Variants in SCTR observed in about 807,000 individuals in gnomAD.
SCTR encodes the protein pancreatic secretin receptor.
Under a neutral mutation model 60.8 loss-of-function variants are expected in SCTR, and 56 were observed. The ratio of observed to expected loss-of-function variants is 0.92; its 90% CI spans 0.74 to 1.15. The LOEUF (loss-of-function observed/expected upper bound fraction) is 1.15. SCTR is among the 50% of genes most tolerant of loss of function. The pLI is 0.00. For synonymous variants in SCTR, 202 were observed against 217.0 expected, an observed-to-expected ratio of 0.93 and a Z score of 0.61; for missense variants, 562 against 550.4, an observed-to-expected ratio of 1.02 and a Z score of -0.21.
intron 1 of SCTR, among the ~76,000 whole-genome samples, chr2:119,523,882 A>C (rs1182799316): frequency 7.2e-5 from 11 of 152,192 alleles, no homozygotes; most frequent in African/African-American, 2.4e-4. Flanking sequence ...GGAGAGTTTC[A>C]GAAGCCAGAC....
intron 2 of SCTR, among the ~76,000 whole-genome samples, chr2:119,484,267 T>C (rs987710012): frequency 2.6e-5 from 4 of 152,140 alleles, no homozygotes; most frequent in Non-Finnish European, 4.4e-5. Flanking sequence ...ATCCAAAGCA[T>C]GTGAAGAGCA....
rs1683531400 is a variant in SCTR at position 119,459,885 on chromosome 2, G to GT, written c.790+1961dup. Among the ~76,000 whole-genome samples the GT allele has an allele frequency of 5.3e-5, 8 of 152,242 alleles. No homozygotes were observed. The South Asian group carries it at 1.7e-3, about 32-fold the overall frequency. On this transcript the variant is annotated intron_variant, in intron 7 of 12. Coordinates refer to ENST00000019103, the MANE Select transcript of SCTR (RefSeq NM_002980.3). ...CATGTTCATACAGCTGAATCTTGGCGTATCTGGGATTTAAAGCTTAGTGAA... is the reference window on the plus strand; with the variant it reads ...CATGTTCATACAGCTGAATCTTGGCGTTATCTGGGATTTAAAGCTTAGTGAA...
chr2:119,469,516 G>A (rs1389276567), intron 4 of SCTR, among the ~76,000 whole-genome samples: 9 of 151,964 alleles, frequency 5.9e-5, no homozygotes, highest in Admixed American at 5.9e-4. Flanking sequence ...TTTGAGACAG[G>A]GTCTCACTCT....
At chr2:119,453,435 C>T in intron 7 of SCTR, 88 bp from the exon 8 acceptor site, 1 of 1,017,838 alleles carries the variant, frequency 9.8e-7, no homozygotes. Context: ...GTTACCCCAG[C>T]CCAGCTACTG....
Position 119,490,334 on chromosome 2 carries a change from A to G in SCTR, c.193+4094T>C, listed in dbSNP as rs1411539233. 2.6e-5 allele frequency among the ~76,000 whole-genome samples: 4 copies of G among 152,202 alleles called. No individual in the cohort carries two copies. In the East Asian group the frequency reaches 7.7e-4, roughly 29 times the overall value. On this transcript the variant is annotated intron_variant, in intron 2 of 12. Transcript: ENST00000019103. ...CATGCTGCTGCCTCCGCTGCTCACA[A>G]ACCCTCATGTTCCTCTGCTTCCAGC... is the stretch of plus-strand genomic sequence containing the variant.
intron 3 of SCTR, among the ~76,000 whole-genome samples, chr2:119,474,417 G>C (rs961821888): frequency 1.3e-5 from 2 of 152,190 alleles, no homozygotes; most frequent in African/African-American, 4.8e-5. Flanking sequence ...GTCTTGGAAG[G>C]CCACCGTGAG....
At chr2:119,473,850 G>A (rs1677140532) in intron 3 of SCTR, among the ~76,000 whole-genome samples, 1 of 152,150 alleles carries the variant, frequency 6.6e-6, no homozygotes, top group Admixed American at 6.5e-5. Flanking sequence ...CGTTTAACAG[G>A]TGGGTACCCC....
chr2:119,456,226 A>T (rs1242130103), intron 7 of SCTR, among the ~76,000 whole-genome samples: 3 of 151,768 alleles, frequency 2.0e-5, no homozygotes, highest in African/African-American at 7.3e-5. Flanking sequence ...ACCCCTGACT[A>T]ATTTTTGTAT....
At chr2:119,470,849 C>T (rs1287649508) in intron 4 of SCTR, among the ~76,000 whole-genome samples, 1 of 152,206 alleles carries the variant, frequency 6.6e-6, no homozygotes, top group Non-Finnish European at 1.5e-5. Context: ...TACAGGCACA[C>T]GTCACCATGC....
intron 1 of SCTR, among the ~76,000 whole-genome samples, chr2:119,518,974 C>A (rs944336484): frequency 1.3e-4 from 20 of 152,054 alleles, no homozygotes; most frequent in Admixed American, 1.2e-3. Context: ...GTGGACTCCC[C>A]CTTTTTTTTT....
At position 119,444,268 on chromosome 2, in the gene SCTR, C is replaced by CACATATACATATGA. The variant is rs1445344584; in HGVS notation, c.1140+2490_1140+2491insTCATATGTATATGT. Among the ~76,000 whole-genome samples the CACATATACATATGA allele has an allele frequency of 7.4e-4, 61 of 82,880 alleles. 4 individuals carry two copies. Among genetic ancestry groups the CACATATACATATGA allele is most frequent in the African/African-American group, 1.4e-3 (35 of 24,756 alleles). The allele number at this position is 82,880 out of a possible 152,430, so 54.4% of individuals were successfully genotyped here. ...ATACACATATACATATGAATATATACATATATACATATGAATATATACACA... is the reference window on the plus strand; with the variant it reads ...ATACACATATACATATGAATATATACACATATACATATGAATATATACATATGAATATATACACA... On this transcript the variant is annotated intron_variant, in intron 11 of 12. Transcript: ENST00000019103.
chr2:119,509,475 G>A (rs1336280817), intron 1 of SCTR, among the ~76,000 whole-genome samples: 4 of 152,114 alleles, frequency 2.6e-5, no homozygotes, highest in Non-Finnish European at 5.9e-5. Context: ...CTGGCAAAGA[G>A]GACTCTCTTG....
chr2:119,495,452 C>T (rs1229983712), intron 1 of SCTR: 1 of 152,286 alleles, frequency 6.6e-6, no homozygotes, highest in African/African-American at 2.4e-5. Context: ...CTGCTCTTGT[C>T]CTCTTCCTTG....
At chr2:119,487,658 G>C (rs1677929425) in intron 2 of SCTR, among the ~76,000 whole-genome samples, 1 of 152,226 alleles carries the variant, frequency 6.6e-6, no homozygotes, top group Non-Finnish European at 1.5e-5. Flanking sequence ...GTAATAAATA[G>C]CCCTGTGGGG....
chr2:119,508,406 T>C, intron 1 of SCTR, among the ~76,000 whole-genome samples: 1 of 127,592 alleles, frequency 7.8e-6, no homozygotes, highest in African/African-American at 2.9e-5. Flanking sequence ...TTTTTTTTTT[T>C]TTGGCAATCT....
chr2:119,508,403 TTTTTTG>T (rs1678826265), intron 1 of SCTR, among the ~76,000 whole-genome samples: 1 of 142,432 alleles, frequency 7.0e-6, no homozygotes, highest in African/African-American at 2.6e-5. Context: ...TTTTTTTTTT[TTTTTTG>T]GCAATCTCGC....
At chr2:119,476,675 G>A (rs1211738032) in intron 3 of SCTR, 1 of 152,302 alleles carries the variant, frequency 6.6e-6, no homozygotes, top group Admixed American at 6.5e-5. Flanking sequence ...CCCTCTGCAG[G>A]GCAGAAGGGA....
intron 1 of SCTR, among the ~76,000 whole-genome samples, chr2:119,507,912 C>T (rs1187761093): frequency 1.3e-5 from 2 of 152,044 alleles, no homozygotes; most frequent in Admixed American, 6.6e-5. Context: ...CTCTTGACCT[C>T]GTGATCTGCC....
intron 1 of SCTR, among the ~76,000 whole-genome samples, chr2:119,496,234 T>G (rs969137262): frequency 6.6e-6 from 1 of 152,230 alleles, no homozygotes; most frequent in African/African-American, 2.4e-5. Context: ...TCAGAGCTGC[T>G]TAGAAATTAA....
Sources: allele counts gnomAD v4.1 joint callset (sites outside exome capture counted in the v4.1 genomes callset), GRCh38; gene constraint gnomAD v4.1.1; transcripts MANE v1.5; gene names NCBI Gene and HGNC (gene_info 2026-07-23, HGNC 2026-07-21).